GTF3C1: variants seen among roughly 807,000 people sequenced by gnomAD.
GTF3C1 encodes the protein general transcription factor IIIC subunit 1.
Under a neutral mutation model 226.7 loss-of-function variants are expected in GTF3C1, and 57 were observed. That is an observed-to-expected ratio of 0.25 (90% CI 0.20 to 0.31). The LOEUF (loss-of-function observed/expected upper bound fraction) is 0.31. Ranked by LOEUF, GTF3C1 falls within the 10% of genes least tolerant of loss-of-function variation. GTF3C1 has a pLI of 1.00. For synonymous variants in GTF3C1, 1,090 were observed against 1,084.8 expected (o/e 1.00, Z -0.09); for missense variants, 2,217 against 2,776.1 (o/e 0.80, Z 4.53).
In GTF3C1 at chr16:27,502,891, G is replaced by A; in HGVS notation, c.1875C>T (p.Val625=). 2 of 1,605,012 alleles carry A rather than the reference G, an allele frequency of 1.2e-6. No homozygotes were observed. The highest frequency in any genetic ancestry group is 1.1e-5 in the South Asian group (1 of 89,190). ...LKRRNLIIEA[V]TNLRLIESLF... is the part of the protein sequence containing the mutation. ...AACTCTCGATTAAGCGAAGATTGGT[G>A]ACAGCTTCTATGATCAGATTCCTGC... is the stretch of plus-strand genomic sequence containing the variant. Residue 625 remains valine (V), a synonymous_variant, in exon 11 of 37, where the codon GTC becomes GTT. Transcript: ENST00000356183.
At position 27,495,236 on chromosome 16, in the gene GTF3C1, A is replaced by G. The variant is rs1567397252; in HGVS notation, c.2607T>C (p.Ala869=). The change falls in exon 15 of 37, where the codon GCT becomes GCC. Residue 869 remains alanine (A), a synonymous_variant. Transcript: ENST00000356183. Reference sequence around the variant, plus strand: ...CTGTCTCCGTGGCAAGCTCCACTTCAGCCTCCCAGGTGACACCATCTTGGC... The same window carrying G: ...CTGTCTCCGTGGCAAGCTCCACTTCGGCCTCCCAGGTGACACCATCTTGGC... The part of the protein sequence containing the change: ...KGSQDGVTWE[A]EVELATETVY... 1 of 1,612,258 alleles carries G rather than the reference A, an allele frequency of 6.2e-7. No homozygotes were observed. The highest frequency in any genetic ancestry group is 2.2e-5 in the East Asian group (1 of 44,870).
chr16:27,537,996 T>C (rs1224152486), intron 3 of GTF3C1, 69 bp from the exon 4 acceptor site: 1 of 1,531,638 alleles, frequency 6.5e-7, no homozygotes, highest in Non-Finnish European at 8.9e-7. Flanking sequence ...GTCTCTCACT[T>C]GGACATAAAC....
In GTF3C1 at chr16:27,495,219, G is replaced by A. The variant is rs138819759; in HGVS notation, c.2624C>T (p.Thr875Met). ...TGGCAGGGGCCTCTCACCTGTCTCCGTGGCAAGCTCCACTTCAGCCTCCCA... is the reference window on the plus strand; with the variant it reads ...TGGCAGGGGCCTCTCACCTGTCTCCATGGCAAGCTCCACTTCAGCCTCCCA... The part of the protein sequence containing the change: ...VTWEAEVELA[T>M]ETVYVDDASW... The change falls in exon 15 of 37, where the codon ACG (threonine) becomes ATG (methionine). Residue 875 changes from threonine to methionine, a missense_variant. Coordinates refer to ENST00000356183, the MANE Select transcript of GTF3C1 (RefSeq NM_001520.4). The A allele has an allele frequency of 1.2e-4, 201 of 1,609,148 alleles. No individual in the cohort carries two copies. In the Admixed American group the frequency reaches 1.6e-3, roughly 13 times the overall value.
rs915118987 is a variant in GTF3C1 at position 27,461,796 on chromosome 16, C to T, written c.6118-234G>A. The T allele has an allele frequency of 8.6e-5, 47 of 545,506 alleles. No homozygotes were observed. The highest frequency in any genetic ancestry group is 1.5e-4 in the African/African-American group (8 of 53,206). 33.8% of individuals were successfully genotyped at this position (545,506 alleles called of 1,614,324 possible). On this transcript the variant is annotated intron_variant, in intron 36 of 36. Transcript: ENST00000356183. The surrounding 1 kb of genome is among the most constrained non-coding windows in gnomAD (Gnocchi z 5.3). ...TGTACAGCGCTGGCTGGAGCCACCA[C>T]GCTGAATCTCATTTGTGGAGGAGAG...
rs2089247416 is a variant in GTF3C1 at position 27,549,656 on chromosome 16, G to A, written c.221+14C>T. 3.9e-6 allele frequency: 3 copies of A among 765,174 alleles called. No homozygotes were observed. The highest frequency in any genetic ancestry group is 6.0e-6 in the Non-Finnish European group (3 of 503,872). 47.4% of individuals were successfully genotyped at this position (765,174 alleles called of 1,614,324 possible). ...GCCCGCCCGCCCGCCCGCCAGGCCA[G>A]GCCGCCCGCTGACCGGTCCTGGAGC... On this transcript the variant is annotated intron_variant, in intron 1 of 36. Coordinates refer to ENST00000356183, the MANE Select transcript of GTF3C1 (RefSeq NM_001520.4).
At chr16:27,524,829 A>T (rs1196154121) in intron 6 of GTF3C1, among the ~76,000 whole-genome samples, 1 of 152,232 alleles carries the variant, frequency 6.6e-6, no homozygotes, top group Non-Finnish European at 1.5e-5. Context: ...GGCCATGAGT[A>T]TTTAGGTATT....
At chr16:27,522,966 CA>C (rs2088773042) in intron 6 of GTF3C1, among the ~76,000 whole-genome samples, 1 of 151,984 alleles carries the variant, frequency 6.6e-6, no homozygotes, top group African/African-American at 2.4e-5. Context: ...TTTAGAGTCA[CA>C]GGGGCAACAG....
intron 15 of GTF3C1, 129 bp from the exon 16 acceptor site, chr16:27,495,037 G>T: frequency 1.1e-6 from 1 of 916,394 alleles, no homozygotes; most frequent in Non-Finnish European, 1.7e-6. Context: ...TACTTGTCAG[G>T]CAGGAAGGAA....
Position 27,492,715 on chromosome 16 carries a change from TA to T in GTF3C1, c.2877-3del. 6.5e-7 allele frequency: 1 copy of T among 1,534,438 alleles called. No homozygotes were observed. The highest frequency in any genetic ancestry group is 9.0e-7 in the Non-Finnish European group (1 of 1,107,304). ...TCCACCACCGAAAAAATGTAACGCC[TA>T]GAAAACAGAGGGGGCGGGAGGTTCT... On this transcript the variant is annotated splice_region_variant and splice_polypyrimidine_tract_variant and intron_variant, in intron 17 of 36. Coordinates refer to ENST00000356183, the MANE Select transcript of GTF3C1 (RefSeq NM_001520.4). The surrounding 1 kb of genome is among the most constrained non-coding windows in gnomAD (Gnocchi z 5.0).
At position 27,465,633 on chromosome 16, in the gene GTF3C1, A is replaced by G. The variant is rs552774140; in HGVS notation, c.5075-93T>C. 9 of 997,020 alleles carry G rather than the reference A, an allele frequency of 9.0e-6. No individual in the cohort carries two copies. In the South Asian group the frequency reaches 1.4e-4, roughly 16 times the overall value. The allele number at this position is 997,020 out of a possible 1,614,324, so 61.8% of individuals were successfully genotyped here. On this transcript the variant is annotated intron_variant, in intron 32 of 36. Coordinates refer to ENST00000356183, the MANE Select transcript of GTF3C1 (RefSeq NM_001520.4). ...GCCACACCCAGGAAAGGCATGCTCC[A>G]GCACCAACTCACTGCTTCCCCGACA... is the stretch of plus-strand genomic sequence containing the variant.
Position 27,538,338 on chromosome 16 carries a change from G to T in GTF3C1, c.450C>A (p.Ile150=), listed in dbSNP as rs2089032290. Reference sequence around the variant, plus strand: ...ACCGCATGGCCTGGGAGGCAACGATGATCAGTTTCTTCCCCCACCTGCAAA... The same window carrying T: ...ACCGCATGGCCTGGGAGGCAACGATTATCAGTTTCTTCCCCCACCTGCAAA... ...EAFDRWGKKL[I]IVASQAMRYR... is the part of the protein sequence containing the mutation. The change falls in exon 3 of 37, where the codon ATC becomes ATA. Residue 150 remains isoleucine (I), a synonymous_variant. Coordinates refer to ENST00000356183, the MANE Select transcript of GTF3C1 (RefSeq NM_001520.4). The T allele has an allele frequency of 6.4e-7, 1 of 1,553,326 alleles. No individual in the cohort carries two copies. The highest frequency in any genetic ancestry group is 2.2e-5 in the Admixed American group (1 of 46,366).
At chr16:27,512,004 G>A in intron 6 of GTF3C1, 103 bp from the exon 7 acceptor site, 1 of 1,308,928 alleles carries the variant, frequency 7.6e-7, no homozygotes, top group Non-Finnish European at 1.1e-6. Flanking sequence ...CAGAGACAGA[G>A]ATCCCCACAA....
chr16:27,543,550 C>T (rs2089120338), intron 2 of GTF3C1, among the ~76,000 whole-genome samples: 2 of 152,046 alleles, frequency 1.3e-5, no homozygotes, highest in African/African-American at 4.8e-5. Flanking sequence ...CCACTATGCC[C>T]AGCTAGTTTT....
chr16:27,489,654 C>T lies in GTF3C1; in HGVS notation c.3241G>A (p.Ala1081Thr), dbSNP rs1355997727. The T allele has an allele frequency of 3.1e-6, 5 of 1,611,254 alleles. No individual in the cohort carries two copies. The highest frequency in any genetic ancestry group is 1.7e-5 in the Admixed American group (1 of 59,934). ...EGSLQKEQES[A>T]MDKHNLERKC... ...CGCTCCAGGTTGTGCTTGTCCATGG[C>T]GCTCTCCTGCTCCTTCTGCAGGCTG... The change falls in exon 20 of 37, where the codon GCC becomes ACC. Residue 1081 changes from alanine to threonine, a missense_variant. This residue lies in a region of GTF3C1 where 353 missense variants were observed against 411.7 expected (regional missense o/e 0.86). Coordinates refer to ENST00000356183, the MANE Select transcript of GTF3C1 (RefSeq NM_001520.4).
chr16:27,494,366 A>T (rs779843034), intron 16 of GTF3C1, among the ~76,000 whole-genome samples: 16 of 150,140 alleles, frequency 1.1e-4, no homozygotes, highest in Non-Finnish European at 2.1e-4. Flanking sequence ...GCGCCACTGC[A>T]CTCCAGCCTA....
chr16:27,495,152 C>T, intron 15 of GTF3C1, 59 bp downstream of exon 15: 1 of 1,291,560 alleles, frequency 7.7e-7, no homozygotes, highest in East Asian at 2.3e-5. Context: ...CATGTTTCTC[C>T]CTGGATCCTA....
Position 27,461,122 on chromosome 16 carries a change from AG to A in GTF3C1, c.*227del. ...CCCAGTGTGATGAGGCCAGTTCCCAAGGGGAAGGCCCAGAAGAGCCTGGGGG... is the reference window on the plus strand; with the variant it reads ...CCCAGTGTGATGAGGCCAGTTCCCAAGGGAAGGCCCAGAAGAGCCTGGGGG... On this transcript the variant is annotated 3_prime_UTR_variant, in exon 37 of 37. Coordinates refer to ENST00000356183, the MANE Select transcript of GTF3C1 (RefSeq NM_001520.4). The surrounding 1 kb of genome is among the most constrained non-coding windows in gnomAD (Gnocchi z 5.3). 2.0e-6 allele frequency: 1 copy of A among 488,602 alleles called. No homozygotes were observed. The highest frequency in any genetic ancestry group is 3.7e-6 in the Non-Finnish European group (1 of 272,174). 30.3% of individuals were successfully genotyped at this position (488,602 alleles called of 1,614,324 possible).
At chr16:27,511,674 C>T (rs539166957) in intron 7 of GTF3C1, 75 bp downstream of exon 7, 35 of 1,490,480 alleles carry the variant, frequency 2.3e-5, no homozygotes, top group East Asian at 9.1e-5. Flanking sequence ...AGCTCTCTCT[C>T]GACATGTGGG....
rs146935898 is a variant in GTF3C1 at position 27,477,497 on chromosome 16, G to A, written c.4260-953C>T. Among the ~76,000 whole-genome samples the A allele has an allele frequency of 6.7e-3, 1,023 of 152,222 alleles. 14 individuals carry two copies. Among genetic ancestry groups the A allele is most frequent in the African/African-American group, 0.024 (981 of 41,544 alleles). On this transcript the variant is annotated intron_variant, in intron 28 of 36. Transcript: ENST00000356183. Reference sequence around the variant, plus strand: ...TTTTGTATTTTTAAGTAGAGACGGGGTTTCACCATGTTGGCCAGGCTGGCC... The same window carrying A: ...TTTTGTATTTTTAAGTAGAGACGGGATTTCACCATGTTGGCCAGGCTGGCC...
Sources: allele counts gnomAD v4.1 joint callset (sites outside exome capture counted in the v4.1 genomes callset), GRCh38; gene constraint gnomAD v4.1.1; regional missense constraint gnomAD v4.1.1; non-coding constraint Gnocchi (gnomAD v3.1); transcripts MANE v1.5; gene names NCBI Gene and HGNC (gene_info 2026-07-23, HGNC 2026-07-21).